The following DNAH14 variants were observed in gnomAD, a reference collection of about 807,000 sequenced individuals.
DNAH14 encodes the protein dynein axonemal heavy chain 14, also known as axonemal beta dynein heavy chain 14.
DNAH14 carries 478 observed loss-of-function variants against 520.9 expected under a neutral mutation model. The observed-to-expected ratio is 0.92, with a 90% confidence interval of 0.85 to 0.99. The LOEUF is 0.99. DNAH14 is among the 50% of genes least tolerant of loss of function. The probability of loss-of-function intolerance (pLI) is 0.00; values close to 1 mark genes in which losing one functional copy is unlikely to be tolerated. For missense variants in DNAH14, 4,831 were observed against 5,234.5 expected (o/e 0.92, Z 2.38); for synonymous variants, 1,581 against 1,757.2 (o/e 0.90, Z 2.51).
intron 69 of DNAH14, among the ~76,000 whole-genome samples, chr1:225,343,304 G>A (rs1365894771): frequency 1.3e-5 from 2 of 152,170 alleles, no homozygotes; most frequent in Admixed American, 6.5e-5. Flanking sequence ...AAGAACTTAC[G>A]TTTTTATGGC....
At chr1:225,342,680 A>G (rs2095213119) in intron 69 of DNAH14, among the ~76,000 whole-genome samples, 2 of 108,470 alleles carry the variant, frequency 1.8e-5, no homozygotes, top group African/African-American at 6.7e-5. Flanking sequence ...TCCATTTCTC[A>G]TAAACACACA....
chr1:225,248,322 G>T (rs916575184), intron 43 of DNAH14, among the ~76,000 whole-genome samples: 5 of 152,038 alleles, frequency 3.3e-5, no homozygotes, highest in African/African-American at 9.7e-5. Context: ...TAGATCAATA[G>T]ACTGATAAAA....
At chr1:225,290,866 G>T (rs1024987405) in intron 55 of DNAH14, among the ~76,000 whole-genome samples, 2 of 151,048 alleles carry the variant, frequency 1.3e-5, no homozygotes, top group African/African-American at 4.9e-5. Flanking sequence ...TATCATTTTT[G>T]TGTTAGGAGC....
intron 27 of DNAH14, among the ~76,000 whole-genome samples, chr1:225,124,487 C>A (rs996729670): frequency 1.3e-5 from 2 of 152,234 alleles, no homozygotes; most frequent in African/African-American, 4.8e-5. Flanking sequence ...GCAACTTCAT[C>A]AGGAGTAGAT....
intron 55 of DNAH14, among the ~76,000 whole-genome samples, chr1:225,299,476 G>A (rs2094093396): frequency 6.6e-6 from 1 of 152,020 alleles, no homozygotes; most frequent in Non-Finnish European, 1.5e-5. Flanking sequence ...ATAATATCCA[G>A]GGTTTCTGCT....
intron 23 of DNAH14, among the ~76,000 whole-genome samples, chr1:225,104,637 T>C (rs1273415820): frequency 2.0e-5 from 3 of 152,206 alleles, no homozygotes; most frequent in African/African-American, 7.2e-5. Flanking sequence ...TCAAGGAATT[T>C]ATCCATTTCT....
intron 8 of DNAH14, among the ~76,000 whole-genome samples, chr1:224,996,247 T>A (rs1288138713): frequency 6.6e-6 from 1 of 151,988 alleles, no homozygotes; most frequent in Admixed American, 6.6e-5. Context: ...AGTCTCAACC[T>A]CCTGGGCTCA....
At chr1:225,097,962 C>G (rs1046469633) in intron 22 of DNAH14, among the ~76,000 whole-genome samples, 2 of 152,038 alleles carry the variant, frequency 1.3e-5, no homozygotes, top group Admixed American at 6.5e-5. Context: ...ACTTTGGGAG[C>G]CCAAGATCAC....
intron 9 of DNAH14, among the ~76,000 whole-genome samples, chr1:225,003,528 A>T (rs1287709914): frequency 6.6e-6 from 1 of 152,090 alleles, no homozygotes; most frequent in Non-Finnish European, 1.5e-5. Flanking sequence ...GACAAGTTAA[A>T]TATTTGAAAA....
intron 58 of DNAH14, among the ~76,000 whole-genome samples, chr1:225,305,648 T>G (rs1405001512): frequency 1.3e-5 from 2 of 152,134 alleles, no homozygotes; most frequent in Non-Finnish European, 2.9e-5. Context: ...GCCCCACATT[T>G]TCATGTTCTA....
intron 20 of DNAH14, among the ~76,000 whole-genome samples, 196 bp from the exon 21 acceptor site, chr1:225,085,348 G>A (rs1324032630): frequency 6.6e-6 from 1 of 152,108 alleles, no homozygotes; most frequent in Non-Finnish European, 1.5e-5. Flanking sequence ...ACGTGAAATA[G>A]GATGATTTTA....
chr1:224,981,643 C>T (rs761912294), intron 8 of DNAH14, among the ~76,000 whole-genome samples: 1 of 152,062 alleles, frequency 6.6e-6, no homozygotes, highest in East Asian at 1.9e-4. Context: ...TCTCCTGTTT[C>T]GTTTCTCAGT....
rs114460042 is a variant in DNAH14 at position 224,937,853 on chromosome 1, C to T, written c.-34+8018C>T. On this transcript the variant is annotated intron_variant, in intron 1 of 85. Transcript: ENST00000682510. Reference sequence around the variant, plus strand: ...TATGATACTGGCATAAAAACAGATCCATAGACCAATGGAACAGAAGAGAGA... The same window carrying T: ...TATGATACTGGCATAAAAACAGATCTATAGACCAATGGAACAGAAGAGAGA... 2.1e-3 allele frequency among the ~76,000 whole-genome samples: 320 copies of T among 152,138 alleles called. 1 individual carries two copies. The highest frequency in any genetic ancestry group is 3.4e-3 in the Middle Eastern group (1 of 292).
At chr1:225,275,421 G>A (rs1163077855) in intron 52 of DNAH14, among the ~76,000 whole-genome samples, 1 of 152,210 alleles carries the variant, frequency 6.6e-6, no homozygotes, top group Non-Finnish European at 1.5e-5. Context: ...TTTTAGGGGA[G>A]AGGGAGATGG....
intron 7 of DNAH14, among the ~76,000 whole-genome samples, chr1:224,970,640 G>T (rs189399866): frequency 6.6e-6 from 1 of 152,000 alleles, no homozygotes; most frequent in Non-Finnish European, 1.5e-5. Context: ...CAGACTGGCC[G>T]ACACTTAGGG....
intron 51 of DNAH14, 92 bp downstream of exon 51, chr1:225,272,165 A>C: frequency 2.4e-6 from 3 of 1,260,910 alleles, no homozygotes; most frequent in South Asian, 3.0e-5. Context: ...AGGGGAAAAA[A>C]GGGAAATGAA....
chr1:225,361,005 C>T (rs749865837), intron 75 of DNAH14, 114 bp downstream of exon 75: 1 of 969,218 alleles, frequency 1.0e-6, no homozygotes, highest in Non-Finnish European at 1.5e-6. Context: ...ATGTGCTGAG[C>T]CACTCAGATG....
chr1:225,391,200 C>T (rs937071097), intron 83 of DNAH14, among the ~76,000 whole-genome samples: 1 of 152,218 alleles, frequency 6.6e-6, no homozygotes. Flanking sequence ...CCTGTGGCAG[C>T]AGAAACCACT....
At chr1:225,057,107 A>G (rs1249463362) in intron 17 of DNAH14, among the ~76,000 whole-genome samples, 2 of 152,234 alleles carry the variant, frequency 1.3e-5, no homozygotes, top group African/African-American at 4.8e-5. Flanking sequence ...CATTGAATCT[A>G]TAAATTACCT....
Sources: allele counts gnomAD v4.1 joint callset (sites outside exome capture counted in the v4.1 genomes callset), GRCh38; gene constraint gnomAD v4.1.1; transcripts MANE v1.5; gene names NCBI Gene and HGNC (gene_info 2026-07-23, HGNC 2026-07-21).